Variants in MYO3A observed in about 807,000 individuals in gnomAD.
The protein encoded by MYO3A is myosin IIIA, also known as myosin-IIIa.
A neutral mutation model predicts 192.7 loss-of-function variants in MYO3A; 180 were observed. The ratio of observed to expected loss-of-function variants is 0.93; its 90% CI spans 0.83 to 1.06. The LOEUF is 1.06. Among genes scored for constraint, MYO3A ranks in the 50% least tolerant of loss-of-function variants. The pLI is 0.00. For synonymous variants in MYO3A, 628 were observed against 645.3 expected, an observed-to-expected ratio of 0.97 and a Z score of 0.41; for missense variants, 1,896 against 1,905.0, an observed-to-expected ratio of 1.00 and a Z score of 0.09.
intron 17 of MYO3A, among the ~76,000 whole-genome samples, chr10:26,101,346 A>T (rs2131589297): frequency 6.6e-6 from 1 of 152,288 alleles, no homozygotes; most frequent in East Asian, 1.9e-4. Flanking sequence ...TTGACTCTTT[A>T]TCCAATTTGC....
At chr10:26,092,048 A>G (rs1836733498) in intron 15 of MYO3A, among the ~76,000 whole-genome samples, 4 of 152,246 alleles carry the variant, frequency 2.6e-5, no homozygotes, top group Admixed American at 2.6e-4. Flanking sequence ...TTGAGCAGGT[A>G]GGTGGCAAGA....
At chr10:26,053,826 A>AAAAGAAAAAG (rs1554814559) in intron 10 of MYO3A, among the ~76,000 whole-genome samples, 7 of 151,622 alleles carry the variant, frequency 4.6e-5, no homozygotes, top group East Asian at 1.9e-4. Context: ...CTCCGTTTCA[A>AAAAGAAAAAG]AAAAAGAAAA....
chr10:26,156,196 A>G (rs1422460357), intron 25 of MYO3A, among the ~76,000 whole-genome samples: 3 of 152,226 alleles, frequency 2.0e-5, no homozygotes, highest in Non-Finnish European at 4.4e-5. Flanking sequence ...CAGCTGTTTG[A>G]AAAGATCACA....
intron 31 of MYO3A, among the ~76,000 whole-genome samples, chr10:26,179,356 A>G (rs1011722481): frequency 4.7e-5 from 7 of 149,102 alleles, no homozygotes; most frequent in African/African-American, 1.7e-4. Flanking sequence ...GCCCACCTTT[A>G]CCTCCCAAAG....
intron 10 of MYO3A, among the ~76,000 whole-genome samples, chr10:26,035,844 T>A (rs1588832179): frequency 6.6e-6 from 1 of 152,186 alleles, no homozygotes; most frequent in Admixed American, 6.5e-5. Context: ...TACACTTAAA[T>A]TTTATTTTAT....
Position 26,026,450 on chromosome 10 carries a change from G to T in MYO3A, c.871G>T (p.Glu291Ter). ...ACAGCATAAATTCATTACTCAAATT[G>T]AGGGCAAAGATGTGATGCTACAAAA... ...LLQHKFITQI[E>*]GKDVMLQKQL... Residue 291 changes from glutamate to a stop codon, truncating the protein, a stop_gained, in exon 10 of 35, where the codon GAG becomes TAG. Coordinates refer to ENST00000642920, the MANE Select transcript of MYO3A (RefSeq NM_017433.5). LOFTEE classifies it high-confidence loss of function. 1.2e-6 allele frequency: 2 copies of T among 1,614,078 alleles called. No individual in the cohort carries two copies. The highest frequency in any genetic ancestry group is 8.5e-7 in the Non-Finnish European group (1 of 1,179,990).
chr10:26,075,685 C>G (rs1001860930), intron 14 of MYO3A, among the ~76,000 whole-genome samples: 1 of 143,244 alleles, frequency 7.0e-6, no homozygotes, highest in African/African-American at 2.6e-5. Context: ...ATATGTCTCT[C>G]TCATATATAT....
chr10:26,170,353 C>T (rs983546946), intron 28 of MYO3A, 63 bp from the exon 29 acceptor site: 3 of 1,569,192 alleles, frequency 1.9e-6, no homozygotes, highest in East Asian at 2.4e-5. Flanking sequence ...CATTTCTACT[C>T]TTTAAAGTAA....
intron 31 of MYO3A, 47 bp from the exon 32 acceptor site, chr10:26,193,158 A>G: frequency 7.4e-7 from 1 of 1,350,478 alleles, no homozygotes. Context: ...ATCACTTGAT[A>G]ATAGTATTTG....
chr10:26,209,183 T>C (rs989824132), intron 34 of MYO3A, among the ~76,000 whole-genome samples: 1 of 152,198 alleles, frequency 6.6e-6, no homozygotes, highest in African/African-American at 2.4e-5. Flanking sequence ...CAGGATTCTA[T>C]GGATGACCTT....
intron 14 of MYO3A, among the ~76,000 whole-genome samples, chr10:26,085,788 T>C (rs1450604925): frequency 1.3e-5 from 2 of 152,170 alleles, no homozygotes; most frequent in African/African-American, 2.4e-5. Context: ...GTGTCCACAG[T>C]AGTGAGAGAG....
At chr10:26,101,325 A>G (rs1447589045) in intron 17 of MYO3A, among the ~76,000 whole-genome samples, 1 of 152,204 alleles carries the variant, frequency 6.6e-6, no homozygotes, top group Non-Finnish European at 1.5e-5. Context: ...AATACAGCAC[A>G]CTGATGGGTC....
intron 17 of MYO3A, among the ~76,000 whole-genome samples, chr10:26,119,578 G>A (rs771581285): frequency 4.6e-5 from 7 of 152,040 alleles, no homozygotes; most frequent in Non-Finnish European, 1.0e-4. Flanking sequence ...TTGGAATATG[G>A]GAGTGAATGG....
In MYO3A at chr10:26,191,491, G is replaced by T. The variant is rs184031300; in HGVS notation, c.4439-1714G>T. ...TTTATTACTAATCTGTACTAACATG[G>T]TCTCATTGACAAAGATCTCTTTTTG... On this transcript the variant is annotated intron_variant, in intron 31 of 34. Coordinates refer to ENST00000642920, the MANE Select transcript of MYO3A (RefSeq NM_017433.5). Among the ~76,000 whole-genome samples the T allele has an allele frequency of 5.3e-5, 8 of 152,260 alleles. No individual in the cohort carries two copies. The East Asian group carries it at 1.5e-3, about 29-fold the overall frequency.
intron 2 of MYO3A, among the ~76,000 whole-genome samples, chr10:25,939,290 A>T (rs972194145): frequency 3.3e-5 from 5 of 151,676 alleles, no homozygotes; most frequent in African/African-American, 4.8e-5. Context: ...CTCCCTATTT[A>T]AAAAAAATTA....
Position 26,081,141 on chromosome 10 carries a change from C to A in MYO3A, c.1360-7062C>A, listed in dbSNP as rs1331922531. Among the ~76,000 whole-genome samples, 11 of 103,148 alleles carry A rather than the reference C, an allele frequency of 1.1e-4. 1 individual carries two copies. The highest frequency in any genetic ancestry group is 2.7e-4 in the Admixed American group (3 of 11,268). 67.7% of individuals were successfully genotyped at this position (103,148 alleles called of 152,430 possible). A position where few individuals can be genotyped will look rare whatever the true frequency, so the allele number is the denominator to read the frequency against. ...CCAAGATTATATGCCCTTCCCCCCC[C>A]CCCCGCCCCCGCTACCAGGGTGGGT... On this transcript the variant is annotated intron_variant, in intron 14 of 34. Transcript: ENST00000642920.
chr10:26,019,553 T>TG (rs1359288596), intron 7 of MYO3A, among the ~76,000 whole-genome samples: 1 of 152,198 alleles, frequency 6.6e-6, no homozygotes, highest in African/African-American at 2.4e-5. Context: ...ACTGACCTTG[T>TG]GATCCGCCTG....
chr10:26,102,028 G>A (rs1442532431), intron 17 of MYO3A, among the ~76,000 whole-genome samples: 1 of 152,088 alleles, frequency 6.6e-6, no homozygotes, highest in Non-Finnish European at 1.5e-5. Context: ...TCACTTTCAG[G>A]TACACCAATC....
intron 17 of MYO3A, among the ~76,000 whole-genome samples, chr10:26,105,794 A>T (rs1157899663): frequency 6.6e-6 from 1 of 152,028 alleles, no homozygotes; most frequent in African/African-American, 2.4e-5. Context: ...TTGTATGTGT[A>T]GTCTCCTAGA....
Sources: allele counts gnomAD v4.1 joint callset (sites outside exome capture counted in the v4.1 genomes callset), GRCh38; gene constraint gnomAD v4.1.1; transcripts MANE v1.5; gene names NCBI Gene and HGNC (gene_info 2026-07-23, HGNC 2026-07-21).